Variants in NCOA1 observed in about 807,000 individuals in gnomAD.
The protein encoded by NCOA1 is Hin-2 protein.
Under a neutral mutation model 150.9 loss-of-function variants are expected in NCOA1, and 35 were observed. The ratio of observed to expected loss-of-function variants is 0.23; its 90% confidence interval spans 0.18 to 0.31. The LOEUF is 0.31. NCOA1 is among the 10% of genes least tolerant of loss of function. NCOA1 has a pLI of 1.00. For missense variants in NCOA1, 1,491 were observed against 1,749.3 expected (o/e 0.85, Z 2.63); for synonymous variants, 590 against 630.0 (o/e 0.94, Z 0.95).
intron 3 of NCOA1, among the ~76,000 whole-genome samples, chr2:24,593,070 A>G (rs1295695517): frequency 1.3e-5 from 2 of 152,158 alleles, no homozygotes; most frequent in Non-Finnish European, 1.5e-5. Context: ...GTTAAGTAGC[A>G]ATAAAAACTT....
At chr2:24,739,970 CTT>C (rs200840030) in intron 18 of NCOA1, among the ~76,000 whole-genome samples, 1 of 144,996 alleles carries the variant, frequency 6.9e-6, no homozygotes. Flanking sequence ...TTTTAAATCC[CTT>C]TTTTTTTTTA....
chr2:24,665,014 T>C (rs1485712095), intron 5 of NCOA1, among the ~76,000 whole-genome samples: 1 of 152,218 alleles, frequency 6.6e-6, no homozygotes, highest in Non-Finnish European at 1.5e-5. Flanking sequence ...AAATGAATCA[T>C]AGTCATTCAG....
At chr2:24,668,952 C>G (rs1408191954) in intron 6 of NCOA1, among the ~76,000 whole-genome samples, 3 of 152,160 alleles carry the variant, frequency 2.0e-5, no homozygotes, top group Non-Finnish European at 4.4e-5. Flanking sequence ...ATAACACACA[C>G]ATCGGCTCCC....
intron 17 of NCOA1, among the ~76,000 whole-genome samples, chr2:24,733,614 C>T (rs1414634842): frequency 6.6e-6 from 1 of 152,066 alleles, no homozygotes; most frequent in African/African-American, 2.4e-5. Context: ...CATGGTGGTG[C>T]ATGCCTGTAA....
At chr2:24,720,093 A>T in intron 14 of NCOA1, among the ~76,000 whole-genome samples, 1 of 152,234 alleles carries the variant, frequency 6.6e-6, no homozygotes, top group East Asian at 1.9e-4. Context: ...ATGTGGAAGA[A>T]CTAAGACCTC....
chr2:24,673,355 C>A lies in NCOA1; in HGVS notation c.257-11C>A. On this transcript the variant is annotated splice_polypyrimidine_tract_variant and intron_variant, in intron 6 of 22. Coordinates refer to ENST00000348332, the MANE Select transcript of NCOA1 (RefSeq NM_003743.5). Reference sequence around the variant, plus strand: ...TCAGATATGTGATTTTTTTAAGTTTCTTTATTATAGAGAAATCAACAACTG... The same window carrying A: ...TCAGATATGTGATTTTTTTAAGTTTATTTATTATAGAGAAATCAACAACTG... 6.6e-7 allele frequency: 1 copy of A among 1,516,276 alleles called. No individual in the cohort carries two copies. Among genetic ancestry groups the A allele is most frequent in the Middle Eastern group, 1.7e-4 (1 of 5,754 alleles). 93.9% of individuals were successfully genotyped at this position (1,516,276 alleles called of 1,614,324 possible). A position where few individuals can be genotyped will look rare whatever the true frequency, so the allele number is the denominator to read the frequency against.
At chr2:24,648,877 G>A (rs1349417439) in intron 4 of NCOA1, among the ~76,000 whole-genome samples, 2 of 151,702 alleles carry the variant, frequency 1.3e-5, no homozygotes, top group Non-Finnish European at 2.9e-5. Flanking sequence ...TCTGATCTGG[G>A]ACTGAATTCT....
At chr2:24,501,772 C>T (rs187562246) in intron 1 of NCOA1, among the ~76,000 whole-genome samples, 1 of 152,052 alleles carries the variant, frequency 6.6e-6, no homozygotes. Flanking sequence ...TTTTGTGAGT[C>T]TATATATTTA....
At chr2:24,650,653 G>A (rs917319326) in intron 4 of NCOA1, among the ~76,000 whole-genome samples, 2 of 151,958 alleles carry the variant, frequency 1.3e-5, no homozygotes, top group African/African-American at 4.8e-5. Context: ...TCAGGCAAAG[G>A]ACCTGAAAAG....
At chr2:24,731,559 G>A (rs1663011667) in intron 17 of NCOA1, among the ~76,000 whole-genome samples, 1 of 151,848 alleles carries the variant, frequency 6.6e-6, no homozygotes. Flanking sequence ...AAAGAGAAGA[G>A]AAAAGGAGAA....
In NCOA1 at chr2:24,556,096, A is replaced by G. The variant is rs1044264001; in HGVS notation, c.-395-8199A>G. On this transcript the variant is annotated intron_variant, in intron 1 of 22. Coordinates refer to ENST00000348332, the MANE Select transcript of NCOA1 (RefSeq NM_003743.5). ...GGTGGTTTGCTGCACCTATCAACCC[A>G]TCACCTAGGTGTTAAGCCCAACATG... 5 of 152,192 alleles carry G rather than the reference A, an allele frequency of 3.3e-5. No individual in the cohort carries two copies. In the South Asian group the frequency reaches 1.0e-3, roughly 31 times the overall value. The allele number at this position is 152,192 out of a possible 1,614,324, so 9.4% of individuals were successfully genotyped here. A position where few individuals can be genotyped will look rare whatever the true frequency, so the allele number is the denominator to read the frequency against.
chr2:24,708,825 G>A (rs759902805), intron 13 of NCOA1, among the ~76,000 whole-genome samples: 6 of 152,134 alleles, frequency 3.9e-5, no homozygotes, highest in Non-Finnish European at 4.4e-5. Context: ...TGCATTCTAG[G>A]CAGATGGAAG....
chr2:24,671,992 G>C (rs1671706402), intron 6 of NCOA1, among the ~76,000 whole-genome samples: 1 of 152,116 alleles, frequency 6.6e-6, no homozygotes, highest in Admixed American at 6.5e-5. Flanking sequence ...ATTCAGCACA[G>C]ACACAATTCA....
intron 2 of NCOA1, among the ~76,000 whole-genome samples, chr2:24,575,149 A>T (rs1025844549): frequency 2.0e-5 from 3 of 152,008 alleles, no homozygotes; most frequent in African/African-American, 7.3e-5. Context: ...TGTTGCTGCA[A>T]ATCAGTGGTA....
At chr2:24,703,354 A>C (rs1420564204) in intron 11 of NCOA1, among the ~76,000 whole-genome samples, 1 of 152,220 alleles carries the variant, frequency 6.6e-6, no homozygotes, top group Non-Finnish European at 1.5e-5. Context: ...AATTAATTGA[A>C]GTTTTACCAT....
intron 21 of NCOA1, among the ~76,000 whole-genome samples, chr2:24,762,156 G>A (rs1317645122): frequency 6.6e-6 from 1 of 152,252 alleles, no homozygotes; most frequent in Non-Finnish European, 1.5e-5. Flanking sequence ...GCAGTAGGCT[G>A]GGCGGTTGCC....
intron 5 of NCOA1, among the ~76,000 whole-genome samples, chr2:24,659,903 C>T (rs911284137): frequency 6.6e-6 from 1 of 152,082 alleles, no homozygotes; most frequent in African/African-American, 2.4e-5. Flanking sequence ...AAAATCACCT[C>T]TAGTTGATAA....
At chr2:24,549,786 G>T (rs1054328202) in intron 1 of NCOA1, among the ~76,000 whole-genome samples, 7 of 152,130 alleles carry the variant, frequency 4.6e-5, no homozygotes, top group Non-Finnish European at 1.0e-4. Context: ...TAACCAGGAT[G>T]GTCTCGATCT....
intron 21 of NCOA1, among the ~76,000 whole-genome samples, chr2:24,761,037 G>A (rs562386851): frequency 4.6e-5 from 7 of 151,984 alleles, no homozygotes; most frequent in Non-Finnish European, 1.0e-4. Flanking sequence ...TAGTAGAGAC[G>A]GGATTTTGCC....
Sources: allele counts gnomAD v4.1 joint callset (sites outside exome capture counted in the v4.1 genomes callset), GRCh38; gene constraint gnomAD v4.1.1; transcripts MANE v1.5; gene names NCBI Gene and HGNC (gene_info 2026-07-23, HGNC 2026-07-21).